NEDD4L: variants seen among roughly 807,000 people sequenced by gnomAD.
NEDD4L encodes the protein E3 ubiquitin-protein ligase NEDD4-like.
In NEDD4L, 54 loss-of-function variants were observed where a neutral mutation model predicts 148.9. That is an observed-to-expected ratio of 0.36 (90% CI 0.29 to 0.45). The LOEUF (loss-of-function observed/expected upper bound fraction) is 0.45, where lower values mean the gene tolerates loss of function less well. Among genes scored for constraint, NEDD4L ranks in the 20% least tolerant of loss-of-function variants. NEDD4L has a pLI of 1.00. For synonymous variants in NEDD4L, 433 were observed against 440.7 expected (o/e 0.98, Z 0.22); for missense variants, 856 against 1,233.8 (o/e 0.69, Z 4.59).
intron 5 of NEDD4L, 119 bp downstream of exon 5, chr18:58,252,173 A>G (rs1270773985): frequency 1.4e-6 from 1 of 710,680 alleles, no homozygotes; most frequent in Non-Finnish European, 2.5e-6. Context: ...GCCCAAAAAG[A>G]AGACTGTTTT....
intron 2 of NEDD4L, among the ~76,000 whole-genome samples, chr18:58,190,267 A>AGT (rs1414642798): frequency 6.6e-6 from 1 of 152,108 alleles, no homozygotes; most frequent in Non-Finnish European, 1.5e-5. Context: ...ATCCAAAGAG[A>AGT]GTGTGTGTGT....
chr18:58,100,940 G>A (rs112231996), intron 1 of NEDD4L, among the ~76,000 whole-genome samples: 14,559 of 152,136 alleles, frequency 0.096, 756 homozygotes, highest in Non-Finnish European at 0.11. Context: ...CGAGTAGCTG[G>A]GATGACAGGC....
intron 5 of NEDD4L, among the ~76,000 whole-genome samples, chr18:58,253,622 G>T (rs944963280): frequency 1.3e-5 from 2 of 152,152 alleles, no homozygotes; most frequent in Admixed American, 1.3e-4. Flanking sequence ...TGTGTCTGTA[G>T]ACTAATCCTT....
chr18:58,082,892 G>A (rs1206022604), intron 1 of NEDD4L, among the ~76,000 whole-genome samples: 1 of 151,960 alleles, frequency 6.6e-6, no homozygotes, highest in East Asian at 1.9e-4. Context: ...TGTGTTCTTG[G>A]GCTGTTTCTA....
chr18:58,047,831 G>C (rs778699047), intron 1 of NEDD4L, among the ~76,000 whole-genome samples: 10 of 152,290 alleles, frequency 6.6e-5, no homozygotes. Context: ...GCAATCTGTA[G>C]TGCATTTTGG....
At chr18:58,089,468 T>C in intron 1 of NEDD4L, among the ~76,000 whole-genome samples, 1 of 152,134 alleles carries the variant, frequency 6.6e-6, no homozygotes, top group East Asian at 1.9e-4. Context: ...ATAGAAAGAA[T>C]TGGCTGGGGC....
chr18:58,088,720 T>C (rs2083896239), intron 1 of NEDD4L, among the ~76,000 whole-genome samples: 1 of 152,204 alleles, frequency 6.6e-6, no homozygotes, highest in Admixed American at 6.5e-5. Context: ...TTTTGCATCA[T>C]AAATCAGTAT....
chr18:58,341,401 AAAGT>A (rs1345038044), intron 14 of NEDD4L, among the ~76,000 whole-genome samples: 3 of 152,230 alleles, frequency 2.0e-5, no homozygotes, highest in African/African-American at 7.2e-5. Context: ...AGATATTTTC[AAAGT>A]AAGAGCCTAT....
intron 1 of NEDD4L, among the ~76,000 whole-genome samples, chr18:58,152,893 TAGTACCTGCA>T (rs1164040524): frequency 1.3e-5 from 2 of 152,076 alleles, no homozygotes; most frequent in Non-Finnish European, 2.9e-5. Flanking sequence ...TGCAAGTACC[TAGTACCTGCA>T]AGTACCTGCA....
rs1260962399 is a variant in NEDD4L at position 58,256,533 on chromosome 18, C to T, written c.297+4479C>T. ...CCCCGAAGCGAGCGAGGGAGCCCCA[C>T]GGAAGATCGGGGAGCCCTGGAGGCA... is the stretch of plus-strand genomic sequence containing the variant. On this transcript the variant is annotated intron_variant, in intron 5 of 30. Transcript: ENST00000400345. The surrounding 1 kb of genome is among the most constrained non-coding windows in gnomAD (Gnocchi z 5.2). 3.0e-5 allele frequency: 37 copies of T among 1,232,162 alleles called. No individual in the cohort carries two copies. Among genetic ancestry groups the T allele is most frequent in the Non-Finnish European group, 3.7e-5 (37 of 988,080 alleles). The allele number at this position is 1,232,162 out of a possible 1,614,324, so 76.3% of individuals were successfully genotyped here.
At chr18:58,174,685 G>A (rs1236606486) in intron 2 of NEDD4L, among the ~76,000 whole-genome samples, 1 of 152,164 alleles carries the variant, frequency 6.6e-6, no homozygotes, top group African/African-American at 2.4e-5. Context: ...ACGTGCGACT[G>A]GAGGGACACA....
intron 22 of NEDD4L, among the ~76,000 whole-genome samples, chr18:58,369,446 G>A (rs752485490): frequency 2.2e-5 from 1 of 46,440 alleles, no homozygotes; most frequent in Non-Finnish European, 4.5e-5. Context: ...TGTCCCTGTC[G>A]GCAGGGCTCA....
At position 58,256,021 on chromosome 18, in the gene NEDD4L, G is replaced by T; in HGVS notation, c.297+3967G>T. ...GCGCAACGCCCGACCCCAGGGACCA[G>T]GCCTCCGCCACTGCCACCACGAGGG... On this transcript the variant is annotated intron_variant, in intron 5 of 30. Transcript: ENST00000400345. The surrounding 1 kb of genome is among the most constrained non-coding windows in gnomAD (Gnocchi z 5.2). The T allele has an allele frequency of 8.1e-7, 1 of 1,230,166 alleles. No homozygotes were observed. Among genetic ancestry groups the T allele is most frequent in the African/African-American group, 1.6e-5 (1 of 64,444 alleles). The allele number at this position is 1,230,166 out of a possible 1,614,324, so 76.2% of individuals were successfully genotyped here.
chr18:58,057,823 A>G (rs763734629), intron 1 of NEDD4L, among the ~76,000 whole-genome samples: 1 of 152,160 alleles, frequency 6.6e-6, no homozygotes, highest in Admixed American at 6.5e-5. Context: ...GCCTTGAGGC[A>G]ATTTTAAAAT....
intron 1 of NEDD4L, among the ~76,000 whole-genome samples, chr18:58,162,197 C>A (rs150423984): frequency 3.2e-3 from 480 of 152,244 alleles, no homozygotes; most frequent in Non-Finnish European, 5.2e-3. Context: ...AAGACTGAAG[C>A]TACATTTTAT....
At chr18:58,220,995 C>G (rs292455) in intron 2 of NEDD4L, among the ~76,000 whole-genome samples, 65,335 of 151,956 alleles carry the variant, frequency 0.43, 14,901 homozygotes, top group East Asian at 0.73. Flanking sequence ...ATGCACAGTA[C>G]AGACTGCAGA....
At position 58,276,933 on chromosome 18, in the gene NEDD4L, C is replaced by T. The variant is rs193089346; in HGVS notation, c.297+24879C>T. 8.7e-5 allele frequency among the ~76,000 whole-genome samples: 9 copies of T among 103,026 alleles called. No homozygotes were observed. The East Asian group carries it at 1.7e-3, about 20-fold the overall frequency. 67.6% of individuals were successfully genotyped at this position (103,026 alleles called of 152,430 possible). Reference sequence around the variant, plus strand: ...GCTAAGGCATTTTGGTGGAGTGGACCGTGTCCTGCTGTTGATCAAACATTT... The same window carrying T: ...GCTAAGGCATTTTGGTGGAGTGGACTGTGTCCTGCTGTTGATCAAACATTT... On this transcript the variant is annotated intron_variant, in intron 5 of 30. Transcript: ENST00000400345.
intron 1 of NEDD4L, among the ~76,000 whole-genome samples, chr18:58,165,057 T>C (rs576953830): frequency 6.6e-6 from 1 of 152,220 alleles, no homozygotes; most frequent in African/African-American, 2.4e-5. Flanking sequence ...GTAGCCCTTA[T>C]CTAGTTCTCT....
chr18:58,079,072 C>T (rs1599114511), intron 1 of NEDD4L, among the ~76,000 whole-genome samples: 1 of 152,018 alleles, frequency 6.6e-6, no homozygotes, highest in Admixed American at 6.6e-5. Context: ...TGGCGATGTG[C>T]GAAGACACCC....
Sources: gnomAD v4.1 joint callset for allele counts (sites outside exome capture counted in the v4.1 genomes callset) on GRCh38, gnomAD v4.1.1 for gene constraint, Gnocchi (gnomAD v3.1) non-coding constraint, MANE v1.5 for transcripts, NCBI Gene and HGNC (gene_info 2026-07-23, HGNC 2026-07-21) for gene names.